Variants in PXDNL observed in about 807,000 individuals in gnomAD.
The protein encoded by PXDNL is probable oxidoreductase PXDNL.
A neutral mutation model predicts 150.8 loss-of-function variants in PXDNL; 145 were observed. The observed-to-expected ratio is 0.96, with a 90% CI of 0.84 to 1.10. The LOEUF is 1.10. Among genes scored for constraint, PXDNL ranks in the 50% least tolerant of loss-of-function variants. The probability of loss-of-function intolerance (pLI) is 0.00; values close to 1 mark genes in which losing one functional copy is unlikely to be tolerated. For synonymous variants in PXDNL, 757 were observed against 725.7 expected, an observed-to-expected ratio of 1.04 and a Z score of -0.69; for missense variants, 2,087 against 1,873.9, an observed-to-expected ratio of 1.11 and a Z score of -2.10.
intron 1 of PXDNL, among the ~76,000 whole-genome samples, chr8:51,728,747 T>C (rs1816865494): frequency 6.6e-6 from 1 of 152,148 alleles, no homozygotes; most frequent in South Asian, 2.1e-4. Context: ...AATGAAAAAC[T>C]TTATAGTAGG....
At chr8:51,717,265 T>G (rs1013187522) in intron 1 of PXDNL, among the ~76,000 whole-genome samples, 1 of 152,172 alleles carries the variant, frequency 6.6e-6, no homozygotes, top group Non-Finnish European at 1.5e-5. Flanking sequence ...AAAACAGAGC[T>G]TGAGATAAAG....
At chr8:51,500,993 C>G (rs890233348) in intron 4 of PXDNL, among the ~76,000 whole-genome samples, 2 of 152,126 alleles carry the variant, frequency 1.3e-5, no homozygotes, top group African/African-American at 4.8e-5. Context: ...ACTTCAGACA[C>G]CTAATGAAAA....
In PXDNL at chr8:51,348,840, C is replaced by T. The variant is rs750427705; in HGVS notation, c.3902-2893G>A. 5.9e-5 allele frequency among the ~76,000 whole-genome samples: 9 copies of T among 152,044 alleles called. 1 individual carries two copies. Among genetic ancestry groups the T allele is most frequent in the Non-Finnish European group, 1.5e-5 (1 of 68,004 alleles). ...TCCTACAGCTTTTCAACAGAAGAGA[C>T]AGGGTTTAAATCCGGACAGTCAGAC... On this transcript the variant is annotated intron_variant, in intron 19 of 22. Transcript: ENST00000356297.
intron 1 of PXDNL, among the ~76,000 whole-genome samples, chr8:51,729,305 T>C (rs1331539715): frequency 4.7e-5 from 6 of 126,372 alleles, no homozygotes; most frequent in African/African-American, 1.7e-4. Context: ...TACCTAAAAA[T>C]AAAACTCAAC....
intron 17 of PXDNL, among the ~76,000 whole-genome samples, chr8:51,405,489 C>T (rs1808412358): frequency 6.6e-6 from 1 of 152,174 alleles, no homozygotes. Flanking sequence ...GGCCTCCACC[C>T]AGTGGACTGA....
chr8:51,772,263 C>T (rs1281774836), intron 1 of PXDNL, among the ~76,000 whole-genome samples: 11 of 151,400 alleles, frequency 7.3e-5, no homozygotes, highest in Admixed American at 7.2e-4. Context: ...CACACACACA[C>T]ATATACAGCT....
intron 1 of PXDNL, among the ~76,000 whole-genome samples, chr8:51,767,628 C>T (rs796470089): frequency 4.6e-5 from 7 of 152,174 alleles, no homozygotes; most frequent in African/African-American, 1.7e-4. Context: ...TTTGCAGGGC[C>T]TCAAAGGTCA....
chr8:51,628,374 A>G (rs1175826328), intron 2 of PXDNL, among the ~76,000 whole-genome samples: 1 of 97,750 alleles, frequency 1.0e-5, no homozygotes, highest in African/African-American at 3.8e-5. Flanking sequence ...TTCCTTTTTC[A>G]TCTCTCTCTG....
intron 3 of PXDNL, among the ~76,000 whole-genome samples, chr8:51,588,456 A>C (rs890659193): frequency 1.3e-5 from 2 of 152,276 alleles, no homozygotes; most frequent in Admixed American, 6.5e-5. Flanking sequence ...CTTAATAACT[A>C]GTGTTTTTAA....
intron 4 of PXDNL, among the ~76,000 whole-genome samples, chr8:51,533,308 G>A (rs977743489): frequency 1.3e-5 from 2 of 151,828 alleles, no homozygotes; most frequent in Admixed American, 6.6e-5. Flanking sequence ...GCACCACCAC[G>A]CCTGGCTAAT....
intron 1 of PXDNL, among the ~76,000 whole-genome samples, chr8:51,684,436 G>A (rs1051810829): frequency 1.3e-5 from 2 of 152,150 alleles, no homozygotes; most frequent in African/African-American, 4.8e-5. Flanking sequence ...ATTAATCGAT[G>A]TGGAAAACCT....
chr8:51,633,583 T>C (rs149249800), intron 2 of PXDNL, among the ~76,000 whole-genome samples: 56 of 152,252 alleles, frequency 3.7e-4, no homozygotes, highest in African/African-American at 1.3e-3. Context: ...TAATAGCCAT[T>C]ATCTGCAGTG....
rs1223937367 is a variant in PXDNL, at chr8:51,560,107, GCGGGT to G, written c.309-3201_309-3197del. Among the ~76,000 whole-genome samples the G allele has an allele frequency of 6.8e-4, 103 of 151,992 alleles. 2 individuals carry two copies. Among genetic ancestry groups the G allele is most frequent in the African/African-American group, 2.4e-3 (101 of 41,506 alleles). On this transcript the variant is annotated intron_variant, in intron 3 of 22. Coordinates refer to ENST00000356297, the MANE Select transcript of PXDNL (RefSeq NM_144651.5). ...GCTACCTAGGAATAAACTTAACCAA[GCGGGT>G]TAAAGACTTCTACACTGAAAGATAC...
In PXDNL at chr8:51,345,967, CACAATAGCATCATGTGAGATGCG is replaced by C; in HGVS notation, c.3902-43_3902-21del. 1 of 1,441,340 alleles carries C rather than the reference CACAATAGCATCATGTGAGATGCG, an allele frequency of 6.9e-7. No homozygotes were observed. Among genetic ancestry groups the C allele is most frequent in the South Asian group, 1.1e-5 (1 of 87,438 alleles). 89.3% of individuals were successfully genotyped at this position (1,441,340 alleles called of 1,614,324 possible). On this transcript the variant is annotated intron_variant, in intron 19 of 22. Coordinates refer to ENST00000356297, the MANE Select transcript of PXDNL (RefSeq NM_144651.5). ...TACAGTCTGTGGGGAAAGAAGTAAC[CACAATAGCATCATGTGAGATGCG>C]ATGTCATGATCTCATCTAGATCATT...
intron 1 of PXDNL, among the ~76,000 whole-genome samples, chr8:51,760,369 A>G (rs1463303860): frequency 6.6e-6 from 1 of 152,206 alleles, no homozygotes; most frequent in African/African-American, 2.4e-5. Flanking sequence ...TTAAAAAAAA[A>G]AAAGCTATTG....
At chr8:51,536,955 C>T (rs1015447407) in intron 4 of PXDNL, among the ~76,000 whole-genome samples, 1 of 152,184 alleles carries the variant, frequency 6.6e-6, no homozygotes, top group East Asian at 1.9e-4. Flanking sequence ...ACCTAACGTG[C>T]TTATTGGCTG....
chr8:51,542,735 A>C (rs937895265), intron 4 of PXDNL, among the ~76,000 whole-genome samples: 2 of 151,810 alleles, frequency 1.3e-5, no homozygotes, highest in African/African-American at 4.8e-5. Flanking sequence ...ACTTGAACCC[A>C]GAAGGCAGAG....
chr8:51,654,941 T>C lies in PXDNL; in HGVS notation c.165-181A>G, dbSNP rs1198284159. Among the ~76,000 whole-genome samples, 10 of 152,340 alleles carry C rather than the reference T, an allele frequency of 6.6e-5. No individual in the cohort carries two copies. In the East Asian group the frequency reaches 1.5e-3, roughly 24 times the overall value. On this transcript the variant is annotated intron_variant, in intron 1 of 22. Coordinates refer to ENST00000356297, the MANE Select transcript of PXDNL (RefSeq NM_144651.5). ...AATCATTAGGGAGGTGCACTGTTTA[T>C]AGCAAATTTTGCATCTCTGGGGCCA... is the stretch of plus-strand genomic sequence containing the variant.
intron 3 of PXDNL, among the ~76,000 whole-genome samples, chr8:51,565,669 C>T (rs73588713): frequency 0.071 from 10,769 of 151,812 alleles, 983 homozygotes; most frequent in African/African-American, 0.22. Context: ...GTTCAATGTA[C>T]ACATAATTTG....
Sources: allele counts gnomAD v4.1 joint callset (sites outside exome capture counted in the v4.1 genomes callset), GRCh38; gene constraint gnomAD v4.1.1; transcripts MANE v1.5; gene names NCBI Gene and HGNC (gene_info 2026-07-23, HGNC 2026-07-21).